The following ARL15 variants were observed in gnomAD, a reference collection of about 807,000 sequenced individuals.
The protein encoded by ARL15 is ADP-ribosylation factor-like protein 15.
A neutral mutation model predicts 25.2 loss-of-function variants in ARL15; 19 were observed. That is an observed-to-expected ratio of 0.75 (90% confidence interval 0.53 to 1.10). ARL15 has a LOEUF of 1.10. ARL15 is among the 50% of genes least tolerant of loss of function. The pLI is 0.00. For synonymous variants in ARL15, 94 were observed against 86.8 expected, an observed-to-expected ratio of 1.08 and a Z score of -0.46; for missense variants, 220 against 246.0, an observed-to-expected ratio of 0.89 and a Z score of 0.71.
chr5:54,116,900 A>G (rs1185382468), intron 3 of ARL15, among the ~76,000 whole-genome samples: 1 of 152,160 alleles, frequency 6.6e-6, no homozygotes, highest in African/African-American at 2.4e-5. Context: ...AAAGAACTAT[A>G]TTACCACATA....
At chr5:53,963,699 T>A (rs1020896054) in intron 4 of ARL15, among the ~76,000 whole-genome samples, 2 of 151,896 alleles carry the variant, frequency 1.3e-5, no homozygotes, top group African/African-American at 4.8e-5. Context: ...TCCCAGCTTC[T>A]CGGGAGGCTG....
intron 4 of ARL15, among the ~76,000 whole-genome samples, chr5:54,072,133 T>A (rs1008847620): frequency 1.3e-5 from 2 of 152,166 alleles, no homozygotes; most frequent in Non-Finnish European, 2.9e-5. Context: ...AATTTTTGTT[T>A]TACTATAAGA....
intron 4 of ARL15, among the ~76,000 whole-genome samples, chr5:53,971,601 T>G (rs1747751687): frequency 9.0e-6 from 1 of 111,596 alleles, no homozygotes; most frequent in African/African-American, 3.3e-5. Flanking sequence ...AAACACCACA[T>G]GAAGTGATTA....
At chr5:53,982,498 C>G (rs1474897353) in intron 4 of ARL15, among the ~76,000 whole-genome samples, 1 of 152,054 alleles carries the variant, frequency 6.6e-6, no homozygotes, top group Non-Finnish European at 1.5e-5. Flanking sequence ...ATCCATGTCC[C>G]TGCAAAGGAC....
At chr5:54,304,706 A>C (rs779534472) in intron 1 of ARL15, among the ~76,000 whole-genome samples, 22 of 152,224 alleles carry the variant, frequency 1.4e-4, no homozygotes, top group Non-Finnish European at 2.6e-4. Context: ...ATTATTAAGA[A>C]AGGAATATTT....
chr5:54,194,182 T>C (rs1755488000), intron 1 of ARL15, among the ~76,000 whole-genome samples: 1 of 152,146 alleles, frequency 6.6e-6, no homozygotes, highest in Admixed American at 6.5e-5. Context: ...CTAAAAGCTA[T>C]AACTTCAATC....
At chr5:54,179,826 T>C (rs1754999360) in intron 1 of ARL15, among the ~76,000 whole-genome samples, 1 of 152,030 alleles carries the variant, frequency 6.6e-6, no homozygotes, top group Non-Finnish European at 1.5e-5. Flanking sequence ...GAGACCAGCC[T>C]GGCCAACGTG....
At chr5:54,276,352 A>G (rs777680127) in intron 1 of ARL15, among the ~76,000 whole-genome samples, 2 of 152,224 alleles carry the variant, frequency 1.3e-5, no homozygotes, top group Non-Finnish European at 2.9e-5. Context: ...ATGGTCATAT[A>G]TTAAATCTGC....
chr5:54,105,906 T>G (rs546118843), intron 4 of ARL15, among the ~76,000 whole-genome samples: 11 of 152,292 alleles, frequency 7.2e-5, no homozygotes, highest in African/African-American at 2.4e-4. Context: ...TAGAGCTTCA[T>G]TATGTACCAG....
At chr5:54,239,963 C>T (rs900234131) in intron 1 of ARL15, among the ~76,000 whole-genome samples, 2 of 152,170 alleles carry the variant, frequency 1.3e-5, no homozygotes, top group African/African-American at 4.8e-5. Context: ...CGCGGTGGCT[C>T]AGGCCTGTAA....
chr5:54,048,264 G>A (rs1750588998), intron 4 of ARL15: 1 of 152,068 alleles, frequency 6.6e-6, no homozygotes, highest in African/African-American at 2.4e-5. Context: ...TCCTGCTTCA[G>A]CCTCCAGAGT....
chr5:54,184,047 A>G (rs1283723388), intron 1 of ARL15, among the ~76,000 whole-genome samples: 1 of 35,310 alleles, frequency 2.8e-5, no homozygotes, highest in Non-Finnish European at 4.8e-5. Flanking sequence ...GGGAATTAAC[A>G]ATGAGATCAC....
intron 4 of ARL15, among the ~76,000 whole-genome samples, chr5:54,065,589 C>T (rs1751203640): frequency 6.6e-6 from 1 of 152,126 alleles, no homozygotes; most frequent in Admixed American, 6.6e-5. Context: ...TCACTTGAAC[C>T]CAGGAGGTGG....
At chr5:54,023,541 A>G (rs1749682829) in intron 4 of ARL15, among the ~76,000 whole-genome samples, 1 of 152,104 alleles carries the variant, frequency 6.6e-6, no homozygotes, top group Non-Finnish European at 1.5e-5. Flanking sequence ...GTGAAAAAAA[A>G]AAAAGACATG....
At chr5:54,149,698 G>C (rs1168565039) in intron 3 of ARL15, among the ~76,000 whole-genome samples, 1 of 152,166 alleles carries the variant, frequency 6.6e-6, no homozygotes, top group Non-Finnish European at 1.5e-5. Flanking sequence ...GAATTTCTGA[G>C]CTTTGAAACA....
At chr5:54,275,396 A>G (rs1219010340) in intron 1 of ARL15, among the ~76,000 whole-genome samples, 1 of 152,150 alleles carries the variant, frequency 6.6e-6, no homozygotes, top group Non-Finnish European at 1.5e-5. Context: ...GTAGTCAGGT[A>G]TCATCACGTA....
At chr5:54,207,087 G>A (rs920038295) in intron 1 of ARL15, among the ~76,000 whole-genome samples, 3 of 152,214 alleles carry the variant, frequency 2.0e-5, no homozygotes, top group African/African-American at 7.2e-5. Context: ...CTCTAGCAGA[G>A]AGGAGTCTTG....
chr5:54,075,073 G>GAAAAAAAAAAAAAAAAAA lies in ARL15; in HGVS notation c.462+38111_462+38128dup, dbSNP rs3836818. ...GAATGATTCTTAGTACAGAATACAG[G>GAAAAAAAAAAAAAAAAAA]AAAAAAAAAAAAAAAAAAAGTCCTG... On this transcript the variant is annotated intron_variant, in intron 4 of 4. Transcript: ENST00000504924. Among the ~76,000 whole-genome samples the GAAAAAAAAAAAAAAAAAA allele has an allele frequency of 5.3e-4, 34 of 63,900 alleles. 1 individual carries two copies. Among genetic ancestry groups the GAAAAAAAAAAAAAAAAAA allele is most frequent in the East Asian group, 7.5e-4 (2 of 2,650 alleles). The allele number at this position is 63,900 out of a possible 152,430, so 41.9% of individuals were successfully genotyped here.
At chr5:54,053,181 G>A (rs1750750727) in intron 4 of ARL15, among the ~76,000 whole-genome samples, 1 of 152,092 alleles carries the variant, frequency 6.6e-6, no homozygotes, top group Admixed American at 6.6e-5. Context: ...GGCCCGGGAG[G>A]ATCCCTGGAG....
Sources: gnomAD v4.1 joint callset for allele counts (sites outside exome capture counted in the v4.1 genomes callset) on GRCh38, gnomAD v4.1.1 for gene constraint, MANE v1.5 for transcripts, NCBI Gene and HGNC (gene_info 2026-07-23, HGNC 2026-07-21) for gene names.